GRSF1: variants seen among roughly 807,000 people sequenced by gnomAD.
GRSF1 encodes G-rich sequence factor 1.
Under a neutral mutation model 51.1 loss-of-function variants are expected in GRSF1, and 50 were observed. That is an observed-to-expected ratio of 0.98 (90% CI 0.78 to 1.24). The LOEUF is 1.24. Ranked by LOEUF, GRSF1 falls within the 50% of genes most tolerant of loss-of-function variation. GRSF1 has a pLI of 0.00. For missense variants in GRSF1, 700 were observed against 639.7 expected (o/e 1.09, Z -1.02); for synonymous variants, 293 against 253.3 (o/e 1.16, Z -1.49).
intron 5 of GRSF1, among the ~76,000 whole-genome samples, chr4:70,829,798 C>T (rs1329124225): frequency 3.3e-5 from 5 of 152,052 alleles, no homozygotes; most frequent in Non-Finnish European, 4.4e-5. Flanking sequence ...GAGCAAGATC[C>T]TGTCTCAAAA....
In GRSF1 at chr4:70,815,875, G is replaced by A. The variant is rs984853327; in HGVS notation, c.*5012C>T. ...TAGTTGTTCACCTAACAGGTGAAAC[G>A]TTAAAATGTGGCATTCATACATAGA... is the stretch of plus-strand genomic sequence containing the variant. On this transcript the variant is annotated 3_prime_UTR_variant, in exon 10 of 10. Coordinates refer to ENST00000254799, the MANE Select transcript of GRSF1 (RefSeq NM_002092.4). 2 of 152,176 alleles carry A rather than the reference G, an allele frequency of 1.3e-5. No individual in the cohort carries two copies. The highest frequency in any genetic ancestry group is 2.9e-5 in the Non-Finnish European group (2 of 68,036). 9.4% of individuals were successfully genotyped at this position (152,176 alleles called of 1,614,324 possible). A position where few individuals can be genotyped will look rare whatever the true frequency, so the allele number is the denominator to read the frequency against.
At chr4:70,832,806 G>T (rs1734037037) in intron 3 of GRSF1, among the ~76,000 whole-genome samples, 1 of 152,110 alleles carries the variant, frequency 6.6e-6, no homozygotes, top group African/African-American at 2.4e-5. Context: ...AAATTAGCTG[G>T]GTATCATGGC....
At chr4:70,838,871 T>C in intron 1 of GRSF1, 1 of 301,340 alleles carries the variant, frequency 3.3e-6, no homozygotes, top group South Asian at 2.8e-5. Context: ...TTAAAGACCT[T>C]CTGTATGAGT....
chr4:70,824,113 G>A (rs1335392298), intron 9 of GRSF1, among the ~76,000 whole-genome samples, 181 bp downstream of exon 9: 3 of 151,772 alleles, frequency 2.0e-5, no homozygotes, highest in East Asian at 3.9e-4. Context: ...TGGAATTACA[G>A]GCACCCACCA....
chr4:70,827,777 C>CAA (rs879250559), intron 6 of GRSF1, 75 bp downstream of exon 6: 357 of 868,264 alleles, frequency 4.1e-4, no homozygotes, highest in Non-Finnish European at 4.8e-4. Context: ...GACTTCATCT[C>CAA]AAAAAAAAAA....
chr4:70,839,353 G>A (rs1166467038), intron 1 of GRSF1, 118 bp downstream of exon 1: 7 of 1,505,250 alleles, frequency 4.7e-6, no homozygotes, highest in Non-Finnish European at 6.2e-6. Context: ...TGTGCGGCGA[G>A]TGTCGCGGAT....
chr4:70,821,155 G>C (rs548056314), intron 9 of GRSF1, among the ~76,000 whole-genome samples: 83 of 152,310 alleles, frequency 5.4e-4, no homozygotes, highest in Middle Eastern at 3.4e-3. Flanking sequence ...GGCCAGGCAC[G>C]GTGGCTCACG....
intron 2 of GRSF1, among the ~76,000 whole-genome samples, chr4:70,834,942 C>A (rs1262155929): frequency 1.3e-5 from 2 of 151,898 alleles, no homozygotes; most frequent in African/African-American, 4.8e-5. Context: ...ATTTTTTAAT[C>A]TTCTCCCCAA....
chr4:70,829,305 C>T (rs910997591), intron 5 of GRSF1, among the ~76,000 whole-genome samples: 1 of 151,748 alleles, frequency 6.6e-6, no homozygotes, highest in Non-Finnish European at 1.5e-5. Flanking sequence ...AACCTTTGAG[C>T]CTGGACAACA....
At chr4:70,839,990 G>A (rs967217000), upstream of GRSF1, 36 of 591,570 alleles carry the variant, frequency 6.1e-5, no homozygotes, top group Non-Finnish European at 9.4e-5. Context: ...AGGAGAGCGC[G>A]ACGCTCCGCC....
Position 70,831,608 on chromosome 4 carries a change from T to TAGGCTTC in GRSF1, c.874_880dup (p.Tyr294Ter). 6.2e-7 allele frequency: 1 copy of TAGGCTTC among 1,613,626 alleles called. No individual in the cohort carries two copies. Among genetic ancestry groups the TAGGCTTC allele is most frequent in the Non-Finnish European group, 8.5e-7 (1 of 1,179,574 alleles). ...CATTTCTGGTTCTTCAAATTGCACATAGGCTTCCCCTGTTTTTCGCCTCCC... is the reference window on the plus strand; with the variant it reads ...CATTTCTGGTTCTTCAAATTGCACATAGGCTTCAGGCTTCCCCTGTTTTTCGCCTCCC... On this transcript the variant is annotated stop_gained and frameshift_variant, in exon 5 of 10. Transcript: ENST00000254799. LOFTEE classifies it high-confidence loss of function.
At chr4:70,830,200 GGCGATCACTTGA>G (rs970826660) in intron 5 of GRSF1, among the ~76,000 whole-genome samples, 3 of 152,066 alleles carry the variant, frequency 2.0e-5, no homozygotes, top group Non-Finnish European at 4.4e-5. Context: ...AGCCAAAGCG[GGCGATCACTTGA>G]GCCCATGAGT....
At chr4:70,827,792 C>T (rs1578298548) in intron 6 of GRSF1, 60 bp downstream of exon 6, 1 of 1,277,398 alleles carries the variant, frequency 7.8e-7, no homozygotes, top group East Asian at 2.4e-5. Context: ...AAAAAAAAAT[C>T]ACAAAACCCA....
chr4:70,823,305 G>A (rs1411943614), intron 9 of GRSF1, among the ~76,000 whole-genome samples: 7 of 152,022 alleles, frequency 4.6e-5, no homozygotes, highest in Non-Finnish European at 2.9e-5. Flanking sequence ...GCTGAGGCAG[G>A]AGAATCTCTT....
intron 9 of GRSF1, among the ~76,000 whole-genome samples, chr4:70,822,342 GGAGGCT>G (rs1733550263): frequency 6.6e-6 from 1 of 152,118 alleles, no homozygotes; most frequent in African/African-American, 2.4e-5. Context: ...CAGCACTTTG[GGAGGCT>G]GAGGCTAGCG....
chr4:70,830,837 C>A (rs954175474), intron 5 of GRSF1, among the ~76,000 whole-genome samples: 15 of 151,608 alleles, frequency 9.9e-5, no homozygotes, highest in Non-Finnish European at 1.9e-4. Flanking sequence ...AAAAAAAAGG[C>A]TATTTTTGGT....
chr4:70,837,247 G>A (rs1734250417), intron 1 of GRSF1, among the ~76,000 whole-genome samples: 1 of 152,140 alleles, frequency 6.6e-6, no homozygotes, highest in Non-Finnish European at 1.5e-5. Context: ...CATAACCTAA[G>A]AAGACAACTC....
At chr4:70,833,039 A>C in intron 3 of GRSF1, 79 bp downstream of exon 3, 2 of 1,197,802 alleles carry the variant, frequency 1.7e-6, no homozygotes, top group Non-Finnish European at 2.4e-6. Flanking sequence ...TTCATTATTA[A>C]GGATCAAATA....
chr4:70,836,084 A>T, intron 2 of GRSF1, 74 bp downstream of exon 2: 1 of 876,484 alleles, frequency 1.1e-6, no homozygotes, highest in Non-Finnish European at 1.6e-6. Context: ...TTACATACTT[A>T]AAACATACAT....
Sources: gnomAD v4.1 joint callset for allele counts (sites outside exome capture counted in the v4.1 genomes callset) on GRCh38, gnomAD v4.1.1 for gene constraint, MANE v1.5 for transcripts, NCBI Gene and HGNC (gene_info 2026-07-23, HGNC 2026-07-21) for gene names.